The following RXRA variants were observed in gnomAD, a reference collection of about 807,000 sequenced individuals.
RXRA encodes the protein retinoid X receptor alpha.
Under a neutral mutation model 44.5 loss-of-function variants are expected in RXRA, and 5 were observed. The observed-to-expected ratio is 0.11, with a 90% confidence interval of 0.06 to 0.24. The LOEUF is 0.24. Among genes scored for constraint, RXRA ranks in the 10% least tolerant of loss-of-function variants. The probability of loss-of-function intolerance (pLI) is 1.00; values close to 1 mark genes in which losing one functional copy is unlikely to be tolerated. For synonymous variants in RXRA, 291 were observed against 271.4 expected, an observed-to-expected ratio of 1.07 and a Z score of -0.71; for missense variants, 412 against 646.5, an observed-to-expected ratio of 0.64 and a Z score of 3.93.
intron 6 of RXRA, chr9:134,425,699 T>G (rs1314616788): frequency 1.0e-6 from 1 of 985,158 alleles, no homozygotes; most frequent in Admixed American, 6.1e-5. Flanking sequence ...GTCTTGTTAA[T>G]CCTGCCCACA....
At chr9:134,367,970 G>A (rs564628381) in intron 1 of RXRA, among the ~76,000 whole-genome samples, 1 of 152,360 alleles carries the variant, frequency 6.6e-6, no homozygotes. Context: ...GGAGATGCTC[G>A]GCCGATAAGC....
rs1588257123 is a variant in RXRA at position 134,349,729 on chromosome 9, G to T, written c.28+23070G>T. 3.3e-5 allele frequency among the ~76,000 whole-genome samples: 5 copies of T among 152,138 alleles called. No individual in the cohort carries two copies. Among genetic ancestry groups the T allele is most frequent in the African/African-American group, 9.6e-5 (4 of 41,524 alleles). On this transcript the variant is annotated intron_variant, in intron 1 of 9. Coordinates refer to ENST00000481739, the MANE Select transcript of RXRA (RefSeq NM_002957.6). This position sits in a 1 kb window ranked among gnomAD's most constrained non-coding sequence, Gnocchi z 4.3. ...GAATGCCTGTCTCCCTGGAGGCGCA[G>T]GGCTGTGCACAGGATTCCCCAGGGC...
In RXRA at chr9:134,371,502, TTCTGGGGGCACCG is replaced by T. The variant is rs573749666; in HGVS notation, c.29-30126_29-30114del. 7.5e-4 allele frequency among the ~76,000 whole-genome samples: 114 copies of T among 152,286 alleles called. No homozygotes were observed. The South Asian group carries it at 0.022, about 29-fold the overall frequency. ...CCTCAAATGCTGATGGGGGCCAGACTTCTGGGGGCACCGTCTCTTTCCATAACATGATCTCCCC... is the reference window on the plus strand; with the variant it reads ...CCTCAAATGCTGATGGGGGCCAGACTTCTCTTTCCATAACATGATCTCCCC... On this transcript the variant is annotated intron_variant, in intron 1 of 9. Transcript: ENST00000481739.
intron 1 of RXRA, among the ~76,000 whole-genome samples, chr9:134,378,100 G>A (rs1316400207): frequency 1.3e-5 from 2 of 152,244 alleles, no homozygotes; most frequent in South Asian, 2.1e-4. Context: ...GGCTGGCGAC[G>A]AGGAGCTAGC....
Position 134,408,234 on chromosome 9 carries a change from A to G in RXRA, c.365A>G (p.His122Arg). 6.2e-7 allele frequency: 1 copy of G among 1,611,688 alleles called. No homozygotes were observed. The highest frequency in any genetic ancestry group is 8.5e-7 in the Non-Finnish European group (1 of 1,179,364). ...GLNGVLKVPA[H>R]PSGNMASFTK... ...AATGGCGTCCTCAAGGTCCCCGCCC[A>G]CCCCTCAGGAAACATGGCTTCCTTC... The change falls in exon 3 of 10, where the codon CAC becomes CGC. Residue 122 changes from histidine (H) to arginine (R), a missense_variant. By Grantham distance (29) the His-to-Arg change is conservative. Transcript: ENST00000481739.
At chr9:134,370,335 G>A (rs1430351390) in intron 1 of RXRA, among the ~76,000 whole-genome samples, 1 of 152,204 alleles carries the variant, frequency 6.6e-6, no homozygotes, top group Non-Finnish European at 1.5e-5. Context: ...TGCCCTCGCC[G>A]TGTCCACTGC....
In RXRA at chr9:134,401,671, C is replaced by A. The variant is rs747209166; in HGVS notation, c.68C>A (p.Thr23Lys). The change falls in exon 2 of 10, where the codon ACG becomes AAG. Residue 23 changes from threonine to lysine, a missense_variant. Physicochemically the swap from Thr to Lys is moderately conservative, Grantham distance 78. Around this residue, in one of 4 missense-constraint regions of RXRA, gnomAD observed 156 missense variants for 177.2 expected, o/e 0.88. Coordinates refer to ENST00000481739, the MANE Select transcript of RXRA (RefSeq NM_002957.6). ...GTGAACTCCTCCCTCACCTCCCCGA[C>A]GGGGCGAGGCTCCATGGCTGCCCCC... The part of the protein sequence containing the change: ...TQVNSSLTSP[T>K]GRGSMAAPSL... The A allele has an allele frequency of 5.6e-6, 9 of 1,612,998 alleles. No homozygotes were observed. In the Admixed American group the frequency reaches 8.3e-5, roughly 15 times the overall value.
chr9:134,328,238 C>T (rs528042315), intron 1 of RXRA, among the ~76,000 whole-genome samples: 7 of 152,346 alleles, frequency 4.6e-5, no homozygotes, highest in East Asian at 3.9e-4. Context: ...CAGTGTCTGG[C>T]CCCTGGACGT....
At chr9:134,392,316 G>A (rs1830812200) in intron 1 of RXRA, among the ~76,000 whole-genome samples, 1 of 136,110 alleles carries the variant, frequency 7.3e-6, no homozygotes, top group African/African-American at 2.7e-5. Flanking sequence ...GTCTGCTCAC[G>A]ATGCCCCGGG....
At chr9:134,328,780 C>T (rs1049856876) in intron 1 of RXRA, among the ~76,000 whole-genome samples, 3 of 152,244 alleles carry the variant, frequency 2.0e-5, no homozygotes, top group African/African-American at 7.2e-5. Flanking sequence ...GAGACTCGGC[C>T]ACCCCTTACA....
intron 1 of RXRA, among the ~76,000 whole-genome samples, chr9:134,338,530 C>T (rs1830041328): frequency 6.6e-6 from 1 of 152,224 alleles, no homozygotes; most frequent in South Asian, 2.1e-4. Flanking sequence ...GGCGTGTCCC[C>T]ACGTGCGTCT....
At chr9:134,340,245 A>G (rs1408217155) in intron 1 of RXRA, among the ~76,000 whole-genome samples, 2 of 152,042 alleles carry the variant, frequency 1.3e-5, no homozygotes, top group Non-Finnish European at 2.9e-5. Context: ...CTCCTTAGCT[A>G]AGGGTCCTGA....
chr9:134,408,149 C>A lies in RXRA; in HGVS notation c.280C>A (p.Leu94Ile). Residue 94 changes from leucine to isoleucine, a missense_variant and splice_region_variant, in exon 3 of 10, where the codon CTC becomes ATC. Around this residue, in one of 4 missense-constraint regions of RXRA, gnomAD observed 156 missense variants for 177.2 expected, o/e 0.88. Coordinates refer to ENST00000481739, the MANE Select transcript of RXRA (RefSeq NM_002957.6). ...TLGFSTGSPQ[L>I]SSPMNPVSSS... ...TGACTGCTGTGGTTGCCCCCCCCAG[C>A]TCAGCTCACCTATGAACCCCGTCAG... The A allele has an allele frequency of 6.4e-7, 1 of 1,552,562 alleles. No homozygotes were observed. The highest frequency in any genetic ancestry group is 8.7e-7 in the Non-Finnish European group (1 of 1,151,362).
chr9:134,366,312 C>T lies in RXRA; in HGVS notation c.29-35320C>T, dbSNP rs1182010360. Among the ~76,000 whole-genome samples the T allele has an allele frequency of 6.6e-6, 1 of 152,168 alleles. No individual in the cohort carries two copies. Among genetic ancestry groups the T allele is most frequent in the African/African-American group, 2.4e-5 (1 of 41,428 alleles). On this transcript the variant is annotated intron_variant, in intron 1 of 9. Transcript: ENST00000481739. This position sits in a 1 kb window ranked among gnomAD's most constrained non-coding sequence, Gnocchi z 5.9. ...CACAGCCTCTCCCTCTGCCCACCCC[C>T]CCCATGCCTGCCCTGCCAGCAGGTC...
At chr9:134,425,533 C>A in intron 6 of RXRA, 1 of 829,370 alleles carries the variant, frequency 1.2e-6, no homozygotes, top group Non-Finnish European at 1.4e-6. Context: ...GCACCTCCTG[C>A]GTGGCGGCAG....
intron 6 of RXRA, chr9:134,423,804 G>A (rs532344604): frequency 4.6e-5 from 45 of 985,468 alleles, no homozygotes; most frequent in Admixed American, 2.5e-4. Flanking sequence ...TTTGCCAGCT[G>A]CAGGCCTGCC....
intron 1 of RXRA, among the ~76,000 whole-genome samples, chr9:134,334,501 T>C (rs1421094471): frequency 3.3e-5 from 5 of 152,244 alleles, no homozygotes; most frequent in Admixed American, 3.3e-4. Flanking sequence ...GCAGTGTCAT[T>C]GACTGCCGCA....
rs899999600 is a variant in RXRA, at chr9:134,422,162, A to T, written c.910+357A>T. 3.7e-5 allele frequency: 48 copies of T among 1,288,334 alleles called. 1 individual carries two copies. In the African/African-American group the frequency reaches 7.4e-4, roughly 20 times the overall value. 79.8% of individuals were successfully genotyped at this position (1,288,334 alleles called of 1,614,324 possible). ...CTGGGACACACTTCCCCCTCCTGGGACACACTTCCCCCTCCTGGGACACAC... is the reference window on the plus strand; with the variant it reads ...CTGGGACACACTTCCCCCTCCTGGGTCACACTTCCCCCTCCTGGGACACAC... On this transcript the variant is annotated intron_variant, in intron 6 of 9. Coordinates refer to ENST00000481739, the MANE Select transcript of RXRA (RefSeq NM_002957.6).
intron 1 of RXRA, among the ~76,000 whole-genome samples, chr9:134,335,527 G>A (rs993315836): frequency 2.0e-5 from 3 of 152,206 alleles, no homozygotes; most frequent in Admixed American, 6.5e-5. Flanking sequence ...GGGTCTGACT[G>A]TGTGACCAGG....
Sources: allele counts gnomAD v4.1 joint callset (sites outside exome capture counted in the v4.1 genomes callset), GRCh38; gene constraint gnomAD v4.1.1; regional missense constraint gnomAD v4.1.1; non-coding constraint Gnocchi (gnomAD v3.1); transcripts MANE v1.5; gene names NCBI Gene and HGNC (gene_info 2026-07-23, HGNC 2026-07-21).